THSD7A: variants seen among roughly 807,000 people sequenced by gnomAD.
The protein encoded by THSD7A is thrombospondin type-1 domain-containing protein 7A.
A neutral mutation model predicts 231.3 loss-of-function variants in THSD7A; 96 were observed. The observed-to-expected ratio is 0.41, with a 90% CI of 0.35 to 0.49. The LOEUF (loss-of-function observed/expected upper bound fraction) is 0.49. Among genes scored for constraint, THSD7A ranks in the 20% least tolerant of loss-of-function variants. The pLI is 0.05. For missense variants in THSD7A, 2,290 were observed against 2,070.2 expected (o/e 1.11, Z -2.06); for synonymous variants, 940 against 743.3 (o/e 1.26, Z -4.30).
At chr7:11,773,705 A>G (rs1783311276) in intron 1 of THSD7A, among the ~76,000 whole-genome samples, 1 of 151,466 alleles carries the variant, frequency 6.6e-6, no homozygotes, top group Non-Finnish European at 1.5e-5. Context: ...TTTGTGGGGT[A>G]CATTTTTTTT....
At chr7:11,557,556 A>C (rs1471185561) in intron 4 of THSD7A, among the ~76,000 whole-genome samples, 1 of 152,098 alleles carries the variant, frequency 6.6e-6, no homozygotes, top group African/African-American at 2.4e-5. Flanking sequence ...CTCATGTCAC[A>C]AGACTCTAGA....
At chr7:11,808,560 A>G (rs1784453036) in intron 1 of THSD7A, among the ~76,000 whole-genome samples, 3 of 152,338 alleles carry the variant, frequency 2.0e-5, no homozygotes, top group Admixed American at 2.0e-4. Context: ...ATGAAAAAAT[A>G]TAGGTTTTCT....
At chr7:11,680,355 T>C (rs1783822736) in intron 1 of THSD7A, among the ~76,000 whole-genome samples, 1 of 151,994 alleles carries the variant, frequency 6.6e-6, no homozygotes, top group Non-Finnish European at 1.5e-5. Flanking sequence ...ACAAATGGGA[T>C]CTAATTAAAC....
intron 13 of THSD7A, among the ~76,000 whole-genome samples, chr7:11,439,016 T>A (rs1784720228): frequency 6.6e-6 from 1 of 152,028 alleles, no homozygotes; most frequent in South Asian, 2.1e-4. Flanking sequence ...CAAAAAGTCT[T>A]AGAGTAAAAT....
chr7:11,545,357 G>A (rs902887820), intron 4 of THSD7A, among the ~76,000 whole-genome samples: 1 of 152,042 alleles, frequency 6.6e-6, no homozygotes, highest in Non-Finnish European at 1.5e-5. Context: ...AATCTTATTA[G>A]AGTCTGAATT....
chr7:11,817,802 T>C (rs1350658802), intron 1 of THSD7A, among the ~76,000 whole-genome samples: 3 of 152,334 alleles, frequency 2.0e-5, no homozygotes, highest in African/African-American at 7.2e-5. Flanking sequence ...AGAAATCATA[T>C]TCCTAATAAA....
intron 2 of THSD7A, among the ~76,000 whole-genome samples, chr7:11,607,605 T>C (rs949791535): frequency 7.2e-5 from 11 of 152,230 alleles, no homozygotes; most frequent in Middle Eastern, 3.4e-3. Flanking sequence ...AATACAAAAT[T>C]AAATTTCTTA....
intron 4 of THSD7A, among the ~76,000 whole-genome samples, chr7:11,588,058 G>A (rs1338714204): frequency 6.6e-6 from 1 of 152,164 alleles, no homozygotes; most frequent in Non-Finnish European, 1.5e-5. Flanking sequence ...CACAGTCATG[G>A]ATTCTTGAAA....
intron 6 of THSD7A, among the ~76,000 whole-genome samples, chr7:11,537,623 TCC>T (rs1788967551): frequency 7.7e-6 from 1 of 129,660 alleles, no homozygotes; most frequent in African/African-American, 3.3e-5. Context: ...GTGCCATGCT[TCC>T]TGTACAGCGC....
chr7:11,678,335 A>C (rs1255302185), intron 1 of THSD7A, among the ~76,000 whole-genome samples: 1 of 152,202 alleles, frequency 6.6e-6, no homozygotes, highest in East Asian at 1.9e-4. Context: ...GACAAGAAAT[A>C]ACTAAGATCA....
intron 1 of THSD7A, among the ~76,000 whole-genome samples, chr7:11,646,237 A>G (rs1399370146): frequency 1.3e-5 from 2 of 152,032 alleles, no homozygotes; most frequent in Non-Finnish European, 2.9e-5. Context: ...AAAACAACAT[A>G]AACTTCCTCC....
At chr7:11,648,638 G>C (rs1043660493) in intron 1 of THSD7A, among the ~76,000 whole-genome samples, 1 of 29,784 alleles carries the variant, frequency 3.4e-5, no homozygotes, top group South Asian at 6.2e-4. Flanking sequence ...ATTTTGTGGC[G>C]TGTGTGTGTG....
At chr7:11,548,233 T>C in intron 4 of THSD7A, among the ~76,000 whole-genome samples, 1 of 152,128 alleles carries the variant, frequency 6.6e-6, no homozygotes, top group Non-Finnish European at 1.5e-5. Context: ...ATGATACCTC[T>C]ATGCACACAA....
intron 1 of THSD7A, among the ~76,000 whole-genome samples, chr7:11,752,939 TCA>T (rs1300261362): frequency 8.3e-5 from 12 of 144,366 alleles, no homozygotes; most frequent in Non-Finnish European, 1.8e-4. Context: ...AGTCAATCAA[TCA>T]ATCAATCAAT....
intron 14 of THSD7A, among the ~76,000 whole-genome samples, chr7:11,427,379 TCTC>T: frequency 6.6e-6 from 1 of 152,316 alleles, no homozygotes; most frequent in East Asian, 1.9e-4. Context: ...GTTGTTAATG[TCTC>T]AGTAAGCCTT....
intron 11 of THSD7A, among the ~76,000 whole-genome samples, chr7:11,460,177 C>T: frequency 6.6e-6 from 1 of 151,992 alleles, no homozygotes; most frequent in East Asian, 1.9e-4. Flanking sequence ...TAAATATGAA[C>T]AGAATTGTGG....
intron 1 of THSD7A, among the ~76,000 whole-genome samples, chr7:11,799,277 A>G (rs1302082442): frequency 6.6e-6 from 1 of 152,186 alleles, no homozygotes; most frequent in Non-Finnish European, 1.5e-5. Flanking sequence ...AGCTGCAAGA[A>G]TACTTAGTAA....
chr7:11,388,131 A>G (rs1782834592), intron 23 of THSD7A, among the ~76,000 whole-genome samples: 1 of 151,610 alleles, frequency 6.6e-6, no homozygotes, highest in Non-Finnish European at 1.5e-5. Flanking sequence ...TTTCGCACCA[A>G]TGTTCATCAG....
At chr7:11,773,136 T>G (rs543654008) in intron 1 of THSD7A, among the ~76,000 whole-genome samples, 1 of 152,324 alleles carries the variant, frequency 6.6e-6, no homozygotes, top group East Asian at 1.9e-4. Context: ...TGAATATTTT[T>G]AACACTGAAA....
Sources: allele counts gnomAD v4.1 joint callset (sites outside exome capture counted in the v4.1 genomes callset), GRCh38; gene constraint gnomAD v4.1.1; transcripts MANE v1.5; gene names NCBI Gene and HGNC (gene_info 2026-07-23, HGNC 2026-07-21).